Variants in PRKCE observed in about 807,000 individuals in gnomAD.
PRKCE encodes protein kinase C epsilon.
PRKCE carries 16 observed loss-of-function variants against 85.4 expected under a neutral mutation model. The observed-to-expected ratio is 0.19, with a 90% confidence interval of 0.13 to 0.28. The LOEUF (loss-of-function observed/expected upper bound fraction) is 0.28. Among genes scored for constraint, PRKCE ranks in the 10% least tolerant of loss-of-function variants. The pLI, the probability that PRKCE is intolerant of heterozygous loss-of-function variation, is 1.00. For missense variants in PRKCE, 573 were observed against 975.2 expected (o/e 0.59, Z 5.49); for synonymous variants, 388 against 371.5 (o/e 1.04, Z -0.51).
chr2:46,054,451 C>T (rs1204875256), intron 10 of PRKCE, among the ~76,000 whole-genome samples: 2 of 152,176 alleles, frequency 1.3e-5, no homozygotes, highest in Non-Finnish European at 2.9e-5. Context: ...TCAGAATACC[C>T]CCTCAGCCTC....
intron 1 of PRKCE, among the ~76,000 whole-genome samples, chr2:45,660,537 A>T (rs1675589042): frequency 6.6e-6 from 1 of 152,190 alleles, no homozygotes; most frequent in Non-Finnish European, 1.5e-5. Context: ...AGGGCTTTAG[A>T]TACAAAACCC....
chr2:45,882,576 G>T (rs1694965056), intron 2 of PRKCE, among the ~76,000 whole-genome samples: 1 of 152,198 alleles, frequency 6.6e-6, no homozygotes, highest in African/African-American at 2.4e-5. Context: ...AACAGTTGTT[G>T]ACTAGCTTTC....
intron 2 of PRKCE, among the ~76,000 whole-genome samples, chr2:45,942,409 C>T (rs916739797): frequency 5.9e-5 from 9 of 152,158 alleles, no homozygotes; most frequent in African/African-American, 1.7e-4. Context: ...TATGTTCCTC[C>T]CTGAAATCCA....
chr2:46,088,252 G>A (rs1267785994), intron 11 of PRKCE, among the ~76,000 whole-genome samples: 6 of 151,902 alleles, frequency 3.9e-5, no homozygotes, highest in Non-Finnish European at 5.9e-5. Flanking sequence ...CCCTTGTTTC[G>A]CACCCACAAA....
At chr2:45,784,676 CACTT>C (rs1686458934) in intron 1 of PRKCE, among the ~76,000 whole-genome samples, 1 of 151,938 alleles carries the variant, frequency 6.6e-6, no homozygotes, top group Non-Finnish European at 1.5e-5. Context: ...AAATTTCAAA[CACTT>C]ACAAAAGTAT....
rs1243127095 is a variant in PRKCE at position 46,010,494 on chromosome 2, C to T, written c.1414C>T (p.Leu472Phe). 3 of 1,599,594 alleles carry T rather than the reference C, an allele frequency of 1.9e-6. No individual in the cohort carries two copies. The highest frequency in any genetic ancestry group is 2.5e-6 in the Non-Finnish European group (3 of 1,179,946). ...ACGGAAACACCCGTACCTTACCCAA[C>T]TCTACTGCTGCTTCCAGACCAAGGT... ...LARKHPYLTQ[L>F]YCCFQTKDRL... Residue 472 changes from leucine (L) to phenylalanine (F), a missense_variant, in exon 10 of 15, where the codon CTC becomes TTC. By Grantham distance (22) the Leu-to-Phe change is conservative. This residue lies in a region of PRKCE where 89 missense variants were observed against 154.1 expected (regional missense o/e 0.58). Transcript: ENST00000306156.
chr2:46,066,804 A>G (rs554734872), intron 10 of PRKCE, among the ~76,000 whole-genome samples: 4 of 152,294 alleles, frequency 2.6e-5, no homozygotes, highest in African/African-American at 7.2e-5. Context: ...GGTGGTGGGA[A>G]GTCAACCCCA....
At chr2:45,939,483 C>G (rs1016139102) in intron 2 of PRKCE, among the ~76,000 whole-genome samples, 20 of 152,056 alleles carry the variant, frequency 1.3e-4, no homozygotes, top group African/African-American at 3.6e-4. Flanking sequence ...CTAAGACTTT[C>G]AAAGAGACAT....
chr2:45,885,228 T>C (rs1695207577), intron 2 of PRKCE, among the ~76,000 whole-genome samples: 1 of 152,174 alleles, frequency 6.6e-6, no homozygotes, highest in African/African-American at 2.4e-5. Context: ...ATTATGTTGT[T>C]AATACTGTGG....
Position 46,177,158 on chromosome 2 carries a change from G to A in PRKCE, c.2068-7577G>A, listed in dbSNP as rs368451927. On this transcript the variant is annotated intron_variant, in intron 14 of 14. Coordinates refer to ENST00000306156, the MANE Select transcript of PRKCE (RefSeq NM_005400.3). ...AGGCCGAGTATGGTAGCTCACACCT[G>A]TAATCCCAGCAGTTTGGAAGGCTGA... is the stretch of plus-strand genomic sequence containing the variant. 2.0e-4 allele frequency among the ~76,000 whole-genome samples: 30 copies of A among 152,294 alleles called. No homozygotes were observed. The East Asian group carries it at 3.5e-3, about 18-fold the overall frequency.
At chr2:45,825,606 G>T (rs1367762537) in intron 1 of PRKCE, among the ~76,000 whole-genome samples, 2 of 152,234 alleles carry the variant, frequency 1.3e-5, no homozygotes, top group Non-Finnish European at 2.9e-5. Context: ...GTATGCAGCT[G>T]GGCCCAGTAG....
intron 2 of PRKCE, among the ~76,000 whole-genome samples, chr2:45,933,040 T>C (rs1460027689): frequency 6.6e-6 from 1 of 152,272 alleles, no homozygotes; most frequent in Admixed American, 6.5e-5. Context: ...GATTTTATTC[T>C]GATTTTAATT....
chr2:45,901,610 T>A (rs1181887789), intron 2 of PRKCE, among the ~76,000 whole-genome samples: 2 of 152,236 alleles, frequency 1.3e-5, no homozygotes, highest in Non-Finnish European at 2.9e-5. Flanking sequence ...ATAATTCACC[T>A]GAGATGGAAA....
chr2:45,883,551 C>T lies in PRKCE; in HGVS notation c.412+40488C>T, dbSNP rs372397633. Among the ~76,000 whole-genome samples, 22 of 152,326 alleles carry T rather than the reference C, an allele frequency of 1.4e-4. No homozygotes were observed. The South Asian group carries it at 2.7e-3, about 19-fold the overall frequency. On this transcript the variant is annotated intron_variant, in intron 2 of 14. Transcript: ENST00000306156. Reference sequence around the variant, plus strand: ...GTGCCAGCCTAACAGGTCCCTCCCTCTTGCTCATCTGTGTGGGTTTTGCCT... The same window carrying T: ...GTGCCAGCCTAACAGGTCCCTCCCTTTTGCTCATCTGTGTGGGTTTTGCCT...
intron 1 of PRKCE, among the ~76,000 whole-genome samples, chr2:45,744,412 CTT>C (rs748779743): frequency 1.3e-5 from 2 of 148,200 alleles, no homozygotes; most frequent in African/African-American, 5.0e-5. Context: ...TCTTTCTTTT[CTT>C]TTCTTTCTTT....
chr2:46,150,994 G>C, intron 12 of PRKCE, 47 bp from the exon 13 acceptor site: 1 of 1,546,170 alleles, frequency 6.5e-7, no homozygotes, highest in Non-Finnish European at 8.7e-7. Flanking sequence ...GGTGTCACTG[G>C]GGTGGGAGCC....
intron 1 of PRKCE, among the ~76,000 whole-genome samples, chr2:45,751,244 T>G (rs760336857): frequency 4.6e-5 from 7 of 152,206 alleles, no homozygotes; most frequent in Non-Finnish European, 8.8e-5. Flanking sequence ...TTCTGAGGAT[T>G]GACTGACATG....
chr2:45,937,611 A>C (rs979581267), intron 2 of PRKCE, among the ~76,000 whole-genome samples: 14 of 152,126 alleles, frequency 9.2e-5, no homozygotes, highest in African/African-American at 2.7e-4. Context: ...GCTACTCGGG[A>C]GGCTGAGGCA....
chr2:45,939,617 C>G (rs1699736675), intron 2 of PRKCE, among the ~76,000 whole-genome samples: 1 of 151,888 alleles, frequency 6.6e-6, no homozygotes, highest in Non-Finnish European at 1.5e-5. Context: ...TGCAGTGGCG[C>G]AATCTCAGCT....
Sources: allele counts gnomAD v4.1 joint callset (sites outside exome capture counted in the v4.1 genomes callset), GRCh38; gene constraint gnomAD v4.1.1; regional missense constraint gnomAD v4.1.1; transcripts MANE v1.5; gene names NCBI Gene and HGNC (gene_info 2026-07-23, HGNC 2026-07-21).